The following ANKRD42 variants were observed in gnomAD, a reference collection of about 807,000 sequenced individuals.
ANKRD42 encodes ankyrin repeat domain-containing protein 42.
Under a neutral mutation model 51.5 loss-of-function variants are expected in ANKRD42, and 43 were observed. The observed-to-expected ratio is 0.83, with a 90% CI of 0.65 to 1.08. The LOEUF is 1.08. Ranked by LOEUF, ANKRD42 falls within the 50% of genes least tolerant of loss-of-function variation. The pLI, the probability that ANKRD42 is intolerant of heterozygous loss-of-function variation, is 0.00. For missense variants in ANKRD42, 608 were observed against 629.3 expected (o/e 0.97, Z 0.36); for synonymous variants, 203 against 213.0 (o/e 0.95, Z 0.41).
At chr11:83,202,085 G>T (rs927274624) in intron 2 of ANKRD42, among the ~76,000 whole-genome samples, 1 of 152,158 alleles carries the variant, frequency 6.6e-6, no homozygotes, top group Non-Finnish European at 1.5e-5. Context: ...TGTCCAGAAT[G>T]GTATTGCCTA....
At chr11:83,214,683 G>C (rs1862460485) in intron 5 of ANKRD42, 2 of 438,622 alleles carry the variant, frequency 4.6e-6, no homozygotes, top group Non-Finnish European at 6.0e-6. Context: ...ATCAAATCAA[G>C]GTAATTGGGG....
intron 2 of ANKRD42, among the ~76,000 whole-genome samples, chr11:83,201,247 GTGT>G (rs1485702739): frequency 1.3e-5 from 2 of 152,140 alleles, no homozygotes; most frequent in East Asian, 3.8e-4. Flanking sequence ...AGAACATGTG[GTGT>G]TTGGTTTTCT....
chr11:83,243,643 A>G (rs140953589), intron 9 of ANKRD42, among the ~76,000 whole-genome samples: 1 of 152,180 alleles, frequency 6.6e-6, no homozygotes, highest in East Asian at 1.9e-4. Context: ...CTGAGGAGAC[A>G]TTTTTATGTA....
At chr11:83,196,807 C>T (rs1861675644) in intron 1 of ANKRD42, among the ~76,000 whole-genome samples, 1 of 152,200 alleles carries the variant, frequency 6.6e-6, no homozygotes, top group Non-Finnish European at 1.5e-5. Flanking sequence ...GAAAAAAGAC[C>T]ATAAAATTAG....
At chr11:83,263,501 T>A (rs1864055102), downstream of ANKRD42, among the ~76,000 whole-genome samples, 1 of 152,222 alleles carries the variant, frequency 6.6e-6, no homozygotes, top group Admixed American at 6.5e-5. Flanking sequence ...ATATGCCTGG[T>A]ACATTTTAAG....
intron 3 of ANKRD42, among the ~76,000 whole-genome samples, chr11:83,209,156 A>G (rs1862202273): frequency 2.0e-5 from 3 of 152,200 alleles, no homozygotes; most frequent in Admixed American, 2.0e-4. Context: ...TGAAAGTTTA[A>G]TTTCAGTTTT....
intron 5 of ANKRD42, among the ~76,000 whole-genome samples, chr11:83,221,681 G>T (rs1862721312): frequency 6.6e-6 from 1 of 152,146 alleles, no homozygotes; most frequent in Non-Finnish European, 1.5e-5. Context: ...TTCCAAATTG[G>T]GGAGGTCCTA....
chr11:83,217,109 A>AC (rs1419758180), intron 5 of ANKRD42, among the ~76,000 whole-genome samples: 3 of 152,322 alleles, frequency 2.0e-5, no homozygotes, highest in East Asian at 3.9e-4. Context: ...CTTGGAGGAA[A>AC]CAAATTTGAC....
At chr11:83,243,967 C>CTGTTT (rs1863466674) in intron 9 of ANKRD42, among the ~76,000 whole-genome samples, 1 of 66,950 alleles carries the variant, frequency 1.5e-5, no homozygotes, top group African/African-American at 6.6e-5. Flanking sequence ...CCTGGCTGCC[C>CTGTTT]TTTTTTTTTT....
At chr11:83,205,139 G>A (rs942036563) in intron 2 of ANKRD42, among the ~76,000 whole-genome samples, 5 of 152,172 alleles carry the variant, frequency 3.3e-5, no homozygotes, top group Non-Finnish European at 5.9e-5. Flanking sequence ...CTTATTTTAT[G>A]TTCTAGCAAT....
chr11:83,240,185 AC>A (rs1863345048), intron 8 of ANKRD42, among the ~76,000 whole-genome samples: 1 of 152,236 alleles, frequency 6.6e-6, no homozygotes, highest in South Asian at 2.1e-4. Context: ...AACCAAGAGT[AC>A]ATTACTGGAA....
intron 5 of ANKRD42, among the ~76,000 whole-genome samples, chr11:83,223,986 C>G (rs1281753423): frequency 6.7e-6 from 1 of 148,612 alleles, no homozygotes; most frequent in African/African-American, 2.5e-5. Context: ...TTATGGCTGT[C>G]CCTGAGTCTC....
chr11:83,230,785 A>G (rs1432862397), intron 7 of ANKRD42, among the ~76,000 whole-genome samples: 4 of 152,050 alleles, frequency 2.6e-5, no homozygotes, highest in Admixed American at 1.3e-4. Context: ...ACGGGGTTTC[A>G]CTGTGTTAGC....
chr11:83,209,378 A>G (rs1862214316), intron 3 of ANKRD42: 17 of 1,545,306 alleles, frequency 1.1e-5, no homozygotes, highest in Non-Finnish European at 1.3e-5. Context: ...GCGGGGCTGC[A>G]GGCTAGCAAA....
Position 83,224,608 on chromosome 11 carries a change from T to C in ANKRD42, c.587-247T>C, listed in dbSNP as rs113677465. On this transcript the variant is annotated intron_variant, in intron 5 of 10. Coordinates refer to ENST00000533342, the MANE Select transcript of ANKRD42 (RefSeq NM_001300975.2). ...ATGTGTTATTTCTTTTTTCAAGTTA[T>C]TTTAGTTTCAATTTAAAAAATAAAT... is the stretch of plus-strand genomic sequence containing the variant. 3.7e-3 allele frequency among the ~76,000 whole-genome samples: 562 copies of C among 152,232 alleles called. 7 individuals are homozygous for C. Among genetic ancestry groups the C allele is most frequent in the African/African-American group, 0.013 (524 of 41,526 alleles).
intron 3 of ANKRD42, among the ~76,000 whole-genome samples, chr11:83,207,384 G>T (rs1380131740): frequency 1.3e-5 from 2 of 152,172 alleles, no homozygotes; most frequent in African/African-American, 4.8e-5. Context: ...TCTACTCAGT[G>T]AGTTACAAAA....
intron 5 of ANKRD42, among the ~76,000 whole-genome samples, chr11:83,211,849 C>T (rs1019423678): frequency 2.6e-5 from 4 of 152,028 alleles, no homozygotes; most frequent in Non-Finnish European, 5.9e-5. Flanking sequence ...GTTAGTCCCT[C>T]ACAAAACGAA....
chr11:83,250,237 C>T (rs1469270307), downstream of ANKRD42, among the ~76,000 whole-genome samples: 1 of 152,004 alleles, frequency 6.6e-6, no homozygotes, highest in East Asian at 1.9e-4. Flanking sequence ...GATCCTCGGC[C>T]CCCAACATAA....
intron 5 of ANKRD42, chr11:83,212,891 T>C: frequency 6.9e-7 from 1 of 1,446,094 alleles, no homozygotes; most frequent in Non-Finnish European, 9.1e-7. Flanking sequence ...CTTTTTACTT[T>C]GTATTTTGTA....
Sources: allele counts gnomAD v4.1 joint callset (sites outside exome capture counted in the v4.1 genomes callset), GRCh38; gene constraint gnomAD v4.1.1; transcripts MANE v1.5; gene names NCBI Gene and HGNC (gene_info 2026-07-23, HGNC 2026-07-21).